Variants in ZC3H13 observed in about 807,000 individuals in gnomAD.
ZC3H13 encodes zinc finger CCCH domain-containing protein 13.
Under a neutral mutation model 204.1 loss-of-function variants are expected in ZC3H13, and 64 were observed. The ratio of observed to expected loss-of-function variants is 0.31; its 90% CI spans 0.26 to 0.39. ZC3H13 has a LOEUF of 0.39. Ranked by LOEUF, ZC3H13 falls within the 10% of genes least tolerant of loss-of-function variation. The pLI is 1.00. For missense variants in ZC3H13, 1,833 were observed against 2,082.7 expected, an observed-to-expected ratio of 0.88 and a Z score of 2.33; for synonymous variants, 667 against 693.7, an observed-to-expected ratio of 0.96 and a Z score of 0.60.
intron 17 of ZC3H13, chr13:45,962,070 A>G: frequency 1.5e-6 from 1 of 677,592 alleles, no homozygotes; most frequent in Non-Finnish European, 1.8e-6. Context: ...TGGAAAAGAA[A>G]AATCAGTATC....
intron 10 of ZC3H13, among the ~76,000 whole-genome samples, chr13:45,984,449 TA>T (rs1038513233): frequency 1.3e-5 from 2 of 152,158 alleles, no homozygotes; most frequent in African/African-American, 4.8e-5. Flanking sequence ...GGAAAAAATG[TA>T]AAAAATATTA....
intron 4 of ZC3H13, among the ~76,000 whole-genome samples, chr13:46,029,491 C>T (rs1356311813): frequency 6.8e-6 from 1 of 147,050 alleles, no homozygotes; most frequent in African/African-American, 2.5e-5. Flanking sequence ...TGCAGTGGCG[C>T]GATCTCGGCT....
intron 18 of ZC3H13, among the ~76,000 whole-genome samples, chr13:45,957,882 G>C (rs1951379933): frequency 6.6e-6 from 1 of 152,172 alleles, no homozygotes; most frequent in Admixed American, 6.5e-5. Context: ...GTATGCTGAA[G>C]AACTACTACC....
At chr13:46,049,108 C>T (rs1028041694) in intron 1 of ZC3H13, among the ~76,000 whole-genome samples, 2 of 149,500 alleles carry the variant, frequency 1.3e-5, no homozygotes, top group African/African-American at 2.5e-5. Flanking sequence ...GCCGAGATCG[C>T]GCCACTGCAC....
intron 18 of ZC3H13, 65 bp downstream of exon 18, chr13:45,959,418 A>T: frequency 7.2e-7 from 1 of 1,396,072 alleles, no homozygotes; most frequent in African/African-American, 1.5e-5. Context: ...AATTTAAAAC[A>T]ACCAAATGAA....
intron 17 of ZC3H13, among the ~76,000 whole-genome samples, chr13:45,959,997 G>A (rs1224744781): frequency 1.3e-5 from 2 of 151,870 alleles, no homozygotes; most frequent in African/African-American, 4.8e-5. Flanking sequence ...TGTTGCCCAG[G>A]CTGGAGTGCA....
intron 5 of ZC3H13, among the ~76,000 whole-genome samples, chr13:46,016,474 C>T (rs1350877936): frequency 6.6e-6 from 1 of 152,070 alleles, no homozygotes; most frequent in Admixed American, 6.6e-5. Context: ...AGAAGCTAGG[C>T]ACAAAAAGAG....
intron 8 of ZC3H13, among the ~76,000 whole-genome samples, chr13:45,994,052 G>A (rs917071476): frequency 2.0e-5 from 3 of 152,204 alleles, no homozygotes; most frequent in African/African-American, 7.2e-5. Flanking sequence ...TGCCAGCCTT[G>A]AGACAGCAAG....
rs1368181453 is a variant in ZC3H13 at position 45,975,795 on chromosome 13, G to A, written c.1956C>T (p.Asp652=). Residue 652 remains aspartate (D), a synonymous_variant, in exon 12 of 19, where the codon GAC becomes GAT. Coordinates refer to ENST00000679008, the MANE Select transcript of ZC3H13 (RefSeq NM_001330564.2). ...SSPIRHQGRN[D]ELERDERREE... is the part of the protein sequence containing the mutation. ...CTCTTCTTTCATCACGCTCAAGCTC[G>A]TCATTCCTTCCCTGATGTCGAATTG... 4 of 1,613,320 alleles carry A rather than the reference G, an allele frequency of 2.5e-6. No homozygotes were observed. The highest frequency in any genetic ancestry group is 1.7e-5 in the Admixed American group (1 of 59,982).
At chr13:46,003,972 A>G (rs1037864930) in intron 7 of ZC3H13, among the ~76,000 whole-genome samples, 3 of 152,248 alleles carry the variant, frequency 2.0e-5, no homozygotes, top group African/African-American at 7.2e-5. Flanking sequence ...ACAGGTAACA[A>G]CAAAGCAAAA....
In ZC3H13 at chr13:45,975,285, T is replaced by C; in HGVS notation, c.2466A>G (p.Ser822=). The change falls in exon 12 of 19, where the codon TCA becomes TCG. Residue 822 remains serine (S), a splice_region_variant and synonymous_variant. Coordinates refer to ENST00000679008, the MANE Select transcript of ZC3H13 (RefSeq NM_001330564.2). ...TAATAACTGATAATTATTCTTACTT[T>C]GATTTTCTTTCATCATGTCCATCTC... ...NPRDGHDERK[S]KKRYRNEGSP... The C allele has an allele frequency of 1.2e-6, 2 of 1,605,490 alleles. No homozygotes were observed. The highest frequency in any genetic ancestry group is 1.1e-5 in the South Asian group (1 of 90,030).
At chr13:45,992,688 G>C (rs9534272) in intron 8 of ZC3H13, among the ~76,000 whole-genome samples, 66,473 of 152,018 alleles carry the variant, frequency 0.44, 14,987 homozygotes, top group East Asian at 0.54. Flanking sequence ...GGGCACGTCT[G>C]TGAGGGCTTC....
intron 13 of ZC3H13, 62 bp from the exon 14 acceptor site, chr13:45,970,033 T>G: frequency 6.6e-7 from 1 of 1,508,030 alleles, no homozygotes; most frequent in South Asian, 1.4e-5. Context: ...ATGGTACATA[T>G]AGATTATAAT....
chr13:46,030,904 C>T (rs551431860), intron 4 of ZC3H13, among the ~76,000 whole-genome samples: 1 of 152,136 alleles, frequency 6.6e-6, no homozygotes, highest in African/African-American at 2.4e-5. Context: ...GTAATCCCCA[C>T]CAAAAAACCC....
chr13:45,972,141 A>G (rs993110020), intron 12 of ZC3H13, among the ~76,000 whole-genome samples: 2 of 152,118 alleles, frequency 1.3e-5, no homozygotes, highest in African/African-American at 4.8e-5. Context: ...CAATCCCACT[A>G]CTGGGTATCT....
intron 4 of ZC3H13, among the ~76,000 whole-genome samples, chr13:46,038,423 C>G (rs2043349866): frequency 6.6e-6 from 1 of 152,176 alleles, no homozygotes; most frequent in African/African-American, 2.4e-5. Flanking sequence ...CTATCACATG[C>G]TACAGAATTA....
Position 45,963,826 on chromosome 13 carries a change from A to G in ZC3H13, c.4675+16T>C, listed in dbSNP as rs758391571. ...TGGTTAACAGACATTATATAGTTAAAGTAAAATGAAACTACCTTTGGGTTT... is the reference window on the plus strand; with the variant it reads ...TGGTTAACAGACATTATATAGTTAAGGTAAAATGAAACTACCTTTGGGTTT... On this transcript the variant is annotated intron_variant, in intron 17 of 18. Coordinates refer to ENST00000679008, the MANE Select transcript of ZC3H13 (RefSeq NM_001330564.2). The G allele has an allele frequency of 1.3e-5, 21 of 1,613,658 alleles. No individual in the cohort carries two copies. The African/African-American group carries it at 2.8e-4, about 22-fold the overall frequency.
chr13:45,996,006 T>C (rs928815092), intron 8 of ZC3H13, among the ~76,000 whole-genome samples: 2 of 152,224 alleles, frequency 1.3e-5, no homozygotes, highest in African/African-American at 2.4e-5. Flanking sequence ...GATTAAAACA[T>C]ATCACCTGTC....
chr13:46,019,790 G>A (rs2042116899), intron 5 of ZC3H13, among the ~76,000 whole-genome samples: 1 of 151,974 alleles, frequency 6.6e-6, no homozygotes, highest in Non-Finnish European at 1.5e-5. Context: ...TTACTTTGTT[G>A]CCCACACTGG....
Sources: allele counts gnomAD v4.1 joint callset (sites outside exome capture counted in the v4.1 genomes callset), GRCh38; gene constraint gnomAD v4.1.1; transcripts MANE v1.5; gene names NCBI Gene and HGNC (gene_info 2026-07-23, HGNC 2026-07-21).